Variants in NAV3 observed in about 807,000 individuals in gnomAD.
NAV3 encodes neuron navigator 3, also known as pore membrane and/or filament interacting like protein 1.
In NAV3, 87 loss-of-function variants were observed where a neutral mutation model predicts 244.7. That is an observed-to-expected ratio of 0.36 (90% CI 0.30 to 0.42). The LOEUF is 0.42. NAV3 is among the 20% of genes least tolerant of loss of function. The pLI is 1.00. For synonymous variants in NAV3, 1,126 were observed against 1,042.2 expected, an observed-to-expected ratio of 1.08 and a Z score of -1.55; for missense variants, 2,663 against 2,893.3, an observed-to-expected ratio of 0.92 and a Z score of 1.83.
intron 30 of NAV3, among the ~76,000 whole-genome samples, chr12:78,181,612 A>G (rs965131161): frequency 5.9e-5 from 9 of 152,104 alleles, no homozygotes; most frequent in African/African-American, 2.2e-4. Context: ...TTAATATCTC[A>G]TGAACCATTC....
intron 34 of NAV3, among the ~76,000 whole-genome samples, chr12:78,191,040 A>T (rs377328356): frequency 3.3e-5 from 5 of 152,106 alleles, no homozygotes; most frequent in African/African-American, 4.8e-5. Context: ...TCCCAATTAT[A>T]CTGGGTCATA....
At chr12:77,870,664 G>T (rs1880815345) in intron 1 of NAV3, among the ~76,000 whole-genome samples, 1 of 152,132 alleles carries the variant, frequency 6.6e-6, no homozygotes, top group Non-Finnish European at 1.5e-5. Context: ...AGAAAAGGAA[G>T]TGAACAGAGT....
intron 1 of NAV3, among the ~76,000 whole-genome samples, chr12:77,867,666 A>C (rs770157): frequency 6.6e-6 from 1 of 151,856 alleles, no homozygotes; most frequent in African/African-American, 2.4e-5. Context: ...GTCATCCACC[A>C]GCCTCGGCCT....
At chr12:78,161,803 CAA>C (rs1410123396) in intron 23 of NAV3, among the ~76,000 whole-genome samples, 2 of 151,882 alleles carry the variant, frequency 1.3e-5, no homozygotes, top group Admixed American at 6.6e-5. Context: ...TGCCTATTCT[CAA>C]AGTGATATTT....
intron 2 of NAV3, among the ~76,000 whole-genome samples, chr12:77,620,030 A>G (rs1005505619): frequency 5.3e-5 from 8 of 152,212 alleles, no homozygotes; most frequent in African/African-American, 1.9e-4. Flanking sequence ...GATTTTCTTC[A>G]TTGTAAAATT....
At chr12:77,730,725 C>T (rs1877083225) in intron 2 of NAV3, among the ~76,000 whole-genome samples, 3 of 149,596 alleles carry the variant, frequency 2.0e-5, no homozygotes, top group Non-Finnish European at 4.4e-5. Flanking sequence ...TACTAAGTTT[C>T]CAGATTAAAA....
At chr12:78,004,966 A>G (rs895427536) in intron 7 of NAV3, among the ~76,000 whole-genome samples, 1 of 152,158 alleles carries the variant, frequency 6.6e-6, no homozygotes, top group African/African-American at 2.4e-5. Flanking sequence ...CCTCTTCTGT[A>G]CTTGAACTTC....
At chr12:77,997,071 CT>C (rs1872469022) in intron 6 of NAV3, among the ~76,000 whole-genome samples, 2 of 151,846 alleles carry the variant, frequency 1.3e-5, no homozygotes, top group Non-Finnish European at 2.9e-5. Context: ...GAAACCCCGT[CT>C]CTATCAAAAT....
At chr12:77,813,064 C>G (rs1464399693) in intron 2 of NAV3, among the ~76,000 whole-genome samples, 3 of 152,078 alleles carry the variant, frequency 2.0e-5, no homozygotes, top group African/African-American at 7.2e-5. Context: ...CTCAAGTGAT[C>G]CACCTGCCTC....
At chr12:77,883,386 G>A (rs1725967) in intron 1 of NAV3, among the ~76,000 whole-genome samples, 136,072 of 152,124 alleles carry the variant, frequency 0.89, 60,918 homozygotes, top group East Asian at 1. Flanking sequence ...AGAGCTAAAC[G>A]TTGAGCACAC....
chr12:77,961,473 T>A (rs1404716625), intron 3 of NAV3, among the ~76,000 whole-genome samples: 1 of 119,914 alleles, frequency 8.3e-6, no homozygotes, highest in Non-Finnish European at 1.6e-5. Flanking sequence ...TACATATGTA[T>A]CTATTACATG....
intron 38 of NAV3, among the ~76,000 whole-genome samples, chr12:78,202,185 A>G (rs1959782393): frequency 1.3e-5 from 2 of 152,072 alleles, no homozygotes; most frequent in South Asian, 2.1e-4. Flanking sequence ...TTAGAAAACT[A>G]CTATAGGATA....
chr12:78,053,195 G>A (rs549273822), intron 11 of NAV3, among the ~76,000 whole-genome samples: 1 of 151,090 alleles, frequency 6.6e-6, no homozygotes, highest in East Asian at 1.9e-4. Flanking sequence ...CAGCCTGGGT[G>A]ACAGAGTGAG....
At chr12:77,628,183 T>G (rs147956699) in intron 2 of NAV3, among the ~76,000 whole-genome samples, 1 of 152,204 alleles carries the variant, frequency 6.6e-6, no homozygotes, top group Non-Finnish European at 1.5e-5. Flanking sequence ...ATGATAAATG[T>G]TTGAGGTGAT....
At chr12:77,702,751 T>C (rs73410431) in intron 2 of NAV3, among the ~76,000 whole-genome samples, 3,584 of 152,082 alleles carry the variant, frequency 0.024, 72 homozygotes, top group African/African-American at 0.055. Flanking sequence ...ACATTAGAAA[T>C]TCCACTATAC....
chr12:77,573,728 G>C (rs1005670346), intron 2 of NAV3, among the ~76,000 whole-genome samples: 29 of 152,018 alleles, frequency 1.9e-4, no homozygotes, highest in African/African-American at 7.0e-4. Context: ...TACTATATTG[G>C]GTGGGTAAAG....
intron 20 of NAV3, among the ~76,000 whole-genome samples, chr12:78,145,616 A>T (rs1027261116): frequency 6.6e-6 from 1 of 152,166 alleles, no homozygotes; most frequent in Non-Finnish European, 1.5e-5. Context: ...GCAGCCCAGC[A>T]TGAAGAAGAA....
chr12:77,720,197 T>C (rs1876549494), intron 2 of NAV3, among the ~76,000 whole-genome samples: 1 of 151,998 alleles, frequency 6.6e-6, no homozygotes, highest in African/African-American at 2.4e-5. Flanking sequence ...TGGCTAATGG[T>C]TTATCAATTT....
chr12:78,196,493 G>A (rs1434199208), intron 34 of NAV3, among the ~76,000 whole-genome samples: 2 of 151,926 alleles, frequency 1.3e-5, no homozygotes, highest in South Asian at 4.1e-4. Flanking sequence ...TTATGGAAAT[G>A]TTCTTACTGA....
Sources: gnomAD v4.1 joint callset for allele counts (sites outside exome capture counted in the v4.1 genomes callset) on GRCh38, gnomAD v4.1.1 for gene constraint, MANE v1.5 for transcripts, NCBI Gene and HGNC (gene_info 2026-07-23, HGNC 2026-07-21) for gene names.